FAM228B: variants seen among roughly 807,000 people sequenced by gnomAD.
FAM228B encodes family with sequence similarity 228 member B.
Under a neutral mutation model 42.6 loss-of-function variants are expected in FAM228B, and 38 were observed. The ratio of observed to expected loss-of-function variants is 0.89; its 90% CI spans 0.69 to 1.17. The LOEUF (loss-of-function observed/expected upper bound fraction) is 1.17, where lower values mean the gene tolerates loss of function less well. FAM228B is among the 50% of genes most tolerant of loss of function. FAM228B has a pLI of 0.00. For missense variants in FAM228B, 344 were observed against 367.3 expected (o/e 0.94, Z 0.52); for synonymous variants, 109 against 122.3 (o/e 0.89, Z 0.72).
intron 2 of FAM228B, among the ~76,000 whole-genome samples, chr2:24,094,163 C>A (rs1255160083): frequency 1.3e-5 from 2 of 150,844 alleles, no homozygotes; most frequent in African/African-American, 2.4e-5. Context: ...CCCCAGCCTC[C>A]TGAATAACTG....
Position 24,084,380 on chromosome 2 carries a change from G to T in FAM228B, c.-210+3425G>T. The T allele has an allele frequency of 8.6e-7, 1 of 1,158,268 alleles. No homozygotes were observed. The highest frequency in any genetic ancestry group is 1.2e-6 in the Non-Finnish European group (1 of 831,694). 71.7% of individuals were successfully genotyped at this position (1,158,268 alleles called of 1,614,324 possible). A position where few individuals can be genotyped will look rare whatever the true frequency, so the allele number is the denominator to read the frequency against. ...GCAGGACAGGACAGGGCAGGGCAGG[G>T]CAGGACAGGACAGGGCAGGGCAGGA... On this transcript the variant is annotated intron_variant, in intron 2 of 10. Coordinates refer to the FAM228B transcript ENST00000613899. This position sits in a 1 kb window ranked among gnomAD's most constrained non-coding sequence, Gnocchi z 8.4.
chr2:24,127,375 T>C (rs933964837), intron 2 of FAM228B, among the ~76,000 whole-genome samples: 45 of 152,228 alleles, frequency 3.0e-4, no homozygotes, highest in Admixed American at 2.9e-3. Context: ...TTCTGTTTTT[T>C]TGCTGTTATG....
intron 7 of FAM228B, among the ~76,000 whole-genome samples, chr2:24,158,714 G>A (rs1395284840): frequency 6.6e-6 from 1 of 152,116 alleles, no homozygotes; most frequent in Non-Finnish European, 1.5e-5. Context: ...AACAGAGATC[G>A]ATATGATGAC....
intron 7 of FAM228B, among the ~76,000 whole-genome samples, chr2:24,148,552 A>G (rs1025372050): frequency 2.6e-5 from 4 of 152,030 alleles, no homozygotes; most frequent in African/African-American, 4.8e-5. Flanking sequence ...TAGGAATAGG[A>G]GTCTTGATAC....
intron 2 of FAM228B, among the ~76,000 whole-genome samples, chr2:24,131,158 G>C (rs181023521): frequency 2.0e-5 from 3 of 152,288 alleles, no homozygotes; most frequent in African/African-American, 7.2e-5. Flanking sequence ...TGTTATTTCT[G>C]AGGTCTCCAT....
intron 10 of FAM228B, among the ~76,000 whole-genome samples, chr2:24,168,975 G>C (rs1667501665): frequency 2.0e-5 from 3 of 152,184 alleles, no homozygotes; most frequent in Non-Finnish European, 2.9e-5. Flanking sequence ...AGAGAATTTA[G>C]AGGTTTGAAG....
At chr2:24,101,442 A>G (rs1343468295) in intron 3 of FAM228B, among the ~76,000 whole-genome samples, 2 of 152,170 alleles carry the variant, frequency 1.3e-5, no homozygotes, top group South Asian at 2.1e-4. Context: ...CAGGGCTACT[A>G]TAAGTGTTAA....
At chr2:24,118,851 G>A (rs1666009126), upstream of FAM228B, among the ~76,000 whole-genome samples, 1 of 152,202 alleles carries the variant, frequency 6.6e-6, no homozygotes. Flanking sequence ...GAATGAATGA[G>A]TGGCTGCTTT....
chr2:24,129,990 G>A (rs1333685002), intron 2 of FAM228B, among the ~76,000 whole-genome samples: 4 of 152,250 alleles, frequency 2.6e-5, no homozygotes, highest in South Asian at 2.1e-4. Flanking sequence ...TGGCCCTGAT[G>A]TGTGTTGTTC....
intron 2 of FAM228B, chr2:24,085,791 G>A (rs1316241354): frequency 6.6e-6 from 1 of 152,186 alleles, no homozygotes; most frequent in Non-Finnish European, 1.5e-5. Flanking sequence ...AACCTGTAGC[G>A]ATGGTGCTAA....
chr2:24,119,177 C>T (rs1433876436), upstream of FAM228B, among the ~76,000 whole-genome samples: 2 of 152,218 alleles, frequency 1.3e-5, no homozygotes, highest in East Asian at 3.9e-4. Flanking sequence ...TGCTGTCTCC[C>T]CCCTCCCCTA....
At position 24,080,855 on chromosome 2, in the gene FAM228B, CTTTTTTGT is replaced by C. The variant is rs935876473; in HGVS notation, c.-289-20_-289-13del. On this transcript the variant is annotated splice_polypyrimidine_tract_variant and intron_variant, in intron 1 of 10. Coordinates refer to the FAM228B transcript ENST00000613899. The surrounding 1 kb of genome is among the most constrained non-coding windows in gnomAD (Gnocchi z 4.7). ...TTCAGCGTTGCTTCAGAGAAATCCT[CTTTTTTGT>C]AATTGAATCCAGCAGCTGCTCCAAG... 1 of 1,614,114 alleles carries C rather than the reference CTTTTTTGT, an allele frequency of 6.2e-7. No homozygotes were observed. The highest frequency in any genetic ancestry group is 8.5e-7 in the Non-Finnish European group (1 of 1,180,060).
intron 3 of FAM228B, 30 bp from the exon 4 acceptor site, chr2:24,137,879 A>G (rs1047539957): frequency 3.4e-6 from 5 of 1,449,976 alleles, no homozygotes; most frequent in Non-Finnish European, 4.6e-6. Context: ...TTAGGATAAT[A>G]TATTTGTCTT....
chr2:24,084,365 ACAGGGCAGGG>A lies in FAM228B; in HGVS notation c.-210+3420_-210+3429del, dbSNP rs771776191. On this transcript the variant is annotated intron_variant, in intron 2 of 10. Transcript: ENST00000613899. This position sits in a 1 kb window ranked among gnomAD's most constrained non-coding sequence, Gnocchi z 8.4. ...ACAGGGCAGGGCAGGGCAGGACAGGACAGGGCAGGGCAGGGCAGGACAGGACAGGGCAGGG... is the reference window on the plus strand; with the variant it reads ...ACAGGGCAGGGCAGGGCAGGACAGGACAGGGCAGGACAGGACAGGGCAGGG... 1.3e-6 allele frequency: 2 copies of A among 1,555,440 alleles called. No individual in the cohort carries two copies. The highest frequency in any genetic ancestry group is 2.3e-5 in the South Asian group (2 of 87,134).
chr2:24,083,041 C>A (rs201917137), intron 2 of FAM228B: 2 of 1,614,206 alleles, frequency 1.2e-6, no homozygotes, highest in Non-Finnish European at 1.7e-6. Flanking sequence ...ATGGCTGTGT[C>A]CCCGATCTTC....
chr2:24,147,397 C>T (rs1666922746), intron 7 of FAM228B, among the ~76,000 whole-genome samples: 2 of 151,888 alleles, frequency 1.3e-5, no homozygotes, highest in Non-Finnish European at 2.9e-5. Context: ...CTGAGGTTCT[C>T]ATATGTGTGG....
chr2:24,120,563 T>A (rs926109519), upstream of FAM228B, among the ~76,000 whole-genome samples: 4 of 151,828 alleles, frequency 2.6e-5, no homozygotes, highest in African/African-American at 7.3e-5. Context: ...TTTTTTAAAA[T>A]TTTTTTTTTG....
At chr2:24,111,796 G>A (rs1386082348) in intron 3 of FAM228B, among the ~76,000 whole-genome samples, 4 of 151,810 alleles carry the variant, frequency 2.6e-5, no homozygotes, top group Non-Finnish European at 4.4e-5. Context: ...AGACTGCTTC[G>A]GACTCACCCC....
At position 24,077,952 on chromosome 2, in the gene FAM228B, G is replaced by T. The variant is rs1294577455; in HGVS notation, c.-290+983G>T. ...TCATGTGCCATCTCAGAATATGTCC[G>T]ATAGGTATATTGTTAATTTTGAGGT... is the stretch of plus-strand genomic sequence containing the variant. On this transcript the variant is annotated intron_variant, in intron 1 of 10. Coordinates refer to the FAM228B transcript ENST00000613899. The surrounding 1 kb of genome is among the most constrained non-coding windows in gnomAD (Gnocchi z 5.5). 6.6e-6 allele frequency among the ~76,000 whole-genome samples: 1 copy of T among 152,170 alleles called. No individual in the cohort carries two copies. The highest frequency in any genetic ancestry group is 2.4e-5 in the African/African-American group (1 of 41,442).
Sources: gnomAD v4.1 joint callset for allele counts (sites outside exome capture counted in the v4.1 genomes callset) on GRCh38, gnomAD v4.1.1 for gene constraint, Gnocchi (gnomAD v3.1) non-coding constraint, MANE v1.5 for transcripts, NCBI Gene and HGNC (gene_info 2026-07-23, HGNC 2026-07-21) for gene names.